TMEM94: variants seen among roughly 807,000 people sequenced by gnomAD.
TMEM94 encodes transmembrane protein 94.
In TMEM94, 81 loss-of-function variants were observed where a neutral mutation model predicts 158.6. That is an observed-to-expected ratio of 0.51 (90% CI 0.43 to 0.61). The LOEUF (loss-of-function observed/expected upper bound fraction) is 0.61. TMEM94 is among the 20% of genes least tolerant of loss of function. The pLI, the probability that TMEM94 is intolerant of heterozygous loss-of-function variation, is 0.00. For missense variants in TMEM94, 1,435 were observed against 1,762.0 expected (o/e 0.81, Z 3.32); for synonymous variants, 751 against 730.7 (o/e 1.03, Z -0.45).
rs373460654 is a variant in TMEM94 at position 75,467,593 on chromosome 17, C to T, written c.-106-4207C>T. 2.9e-4 allele frequency among the ~76,000 whole-genome samples: 40 copies of T among 138,784 alleles called. No homozygotes were observed. The East Asian group carries it at 5.5e-3, about 19-fold the overall frequency. The allele number at this position is 138,784 out of a possible 152,430, so 91.0% of individuals were successfully genotyped here. A position where few individuals can be genotyped will look rare whatever the true frequency, so the allele number is the denominator to read the frequency against. ...CAGGCCGGACTGCGGACTGCAGTGGCGCAATCTCGGCTCACTGCAAGCTCC... is the reference window on the plus strand; with the variant it reads ...CAGGCCGGACTGCGGACTGCAGTGGTGCAATCTCGGCTCACTGCAAGCTCC... On this transcript the variant is annotated intron_variant, in intron 1 of 31. Transcript: ENST00000314256.
intron 1 of TMEM94, among the ~76,000 whole-genome samples, chr17:75,470,029 T>C (rs1598324909): frequency 6.6e-6 from 1 of 151,980 alleles, no homozygotes. Flanking sequence ...GCCGAGATCA[T>C]GCCATTGTGC....
Position 75,487,725 on chromosome 17 carries a change from A to G in TMEM94, c.410-207A>G, listed in dbSNP as rs911744049. ...AGAGCTCCAGGTGTTGAGAGGAGGT[A>G]GAGGCTCTGGGGCTGGAGTGGCCGG... On this transcript the variant is annotated intron_variant, in intron 5 of 31. Transcript: ENST00000314256. The surrounding 1 kb of genome is among the most constrained non-coding windows in gnomAD (Gnocchi z 4.6). Among the ~76,000 whole-genome samples, 3 of 152,188 alleles carry G rather than the reference A, an allele frequency of 2.0e-5. No individual in the cohort carries two copies. The highest frequency in any genetic ancestry group is 6.6e-5 in the Admixed American group (1 of 15,264).
intron 25 of TMEM94, 58 bp downstream of exon 25, chr17:75,496,865 C>T: frequency 6.5e-7 from 1 of 1,542,298 alleles, no homozygotes; most frequent in Non-Finnish European, 8.9e-7. Flanking sequence ...CACTCAGGGG[C>T]CAGCTGAAAA....
Position 75,498,686 on chromosome 17 carries a change from T to C in TMEM94, c.3791T>C (p.Leu1264Ser), listed in dbSNP as rs1240325837. ...RTKPLWRKSPLTNLWWAVTVP... is the reference protein window; with the variant it reads ...RTKPLWRKSPSTNLWWAVTVP... ...AAGCCCCTGTGGAGAAAGAGCCCCT[T>C]GACCAACCTCTGGTGGGCCGTGACA... The change falls in exon 30 of 32, where the codon TTG (leucine) becomes TCG (serine). Residue 1264 changes from leucine (L) to serine (S), a missense_variant. By Grantham distance (145) the Leu-to-Ser change is moderately radical. This residue lies in a region of TMEM94 where 335 missense variants were observed against 409.1 expected (regional missense o/e 0.82). Transcript: ENST00000314256. The surrounding 1 kb of genome is among the most constrained non-coding windows in gnomAD (Gnocchi z 6.7). 6.3e-7 allele frequency: 1 copy of C among 1,587,604 alleles called. No homozygotes were observed. Among genetic ancestry groups the C allele is most frequent in the Non-Finnish European group, 8.6e-7 (1 of 1,165,972 alleles).
intron 2 of TMEM94, among the ~76,000 whole-genome samples, chr17:75,477,787 G>C (rs1032896940): frequency 2.6e-5 from 4 of 151,366 alleles, no homozygotes; most frequent in African/African-American, 9.7e-5. Flanking sequence ...GAGGCGAGCA[G>C]ATCACGAGGT....
chr17:75,472,732 G>C (rs2050545189), intron 2 of TMEM94, among the ~76,000 whole-genome samples: 1 of 152,214 alleles, frequency 6.6e-6, no homozygotes, highest in African/African-American at 2.4e-5. Context: ...CCTTTAGTGT[G>C]TACAAAGCCC....
At chr17:75,473,257 T>G (rs1413867709) in intron 2 of TMEM94, among the ~76,000 whole-genome samples, 1 of 152,212 alleles carries the variant, frequency 6.6e-6, no homozygotes, top group Non-Finnish European at 1.5e-5. Context: ...GCAGGTGTGC[T>G]TGGCCTCCTG....
chr17:75,478,100 C>G (rs1488487479), intron 2 of TMEM94, among the ~76,000 whole-genome samples: 7 of 125,084 alleles, frequency 5.6e-5, no homozygotes, highest in African/African-American at 2.1e-4. Context: ...ACTGCAAGCT[C>G]CGCCTCCCGG....
intron 1 of TMEM94, among the ~76,000 whole-genome samples, chr17:75,461,053 T>C (rs899600025): frequency 6.7e-6 from 1 of 149,272 alleles, no homozygotes; most frequent in Non-Finnish European, 1.5e-5. Context: ...AGAAACCTCA[T>C]ATAAGAGGAA....
intron 1 of TMEM94, among the ~76,000 whole-genome samples, chr17:75,470,386 A>C (rs1299292851): frequency 1.3e-5 from 2 of 152,094 alleles, no homozygotes; most frequent in South Asian, 2.1e-4. Context: ...AGGCCGAGGC[A>C]GGTGGATCAC....
At chr17:75,496,682 G>A in intron 24 of TMEM94, 48 bp from the exon 25 acceptor site, 3 of 1,571,138 alleles carry the variant, frequency 1.9e-6, no homozygotes, top group Non-Finnish European at 2.6e-6. Flanking sequence ...TTGGGCCTGG[G>A]AGAGGCCAGG....
At chr17:75,488,666 C>A in intron 6 of TMEM94, 93 bp from the exon 7 acceptor site, 2 of 1,476,354 alleles carry the variant, frequency 1.4e-6, no homozygotes, top group South Asian at 1.2e-5. Flanking sequence ...TGGCTCCTAA[C>A]CCCAGCGAAT....
intron 1 of TMEM94, among the ~76,000 whole-genome samples, chr17:75,468,344 T>A (rs2050379237): frequency 6.6e-6 from 1 of 151,950 alleles, no homozygotes; most frequent in African/African-American, 2.4e-5. Context: ...GGCCACAGAG[T>A]GATTTTGCCT....
chr17:75,490,113 G>C, intron 9 of TMEM94, 121 bp from the exon 10 acceptor site: 1 of 1,338,616 alleles, frequency 7.5e-7, no homozygotes, highest in Middle Eastern at 2.3e-4. Context: ...TTCCCTTCCT[G>C]CCCCTGAGAG....
At chr17:75,458,695 CA>C (rs532460835) in intron 1 of TMEM94, among the ~76,000 whole-genome samples, 26,744 of 116,516 alleles carry the variant, frequency 0.23, 3,999 homozygotes, top group African/African-American at 0.47. Flanking sequence ...ACTCTGTCTC[CA>C]AAAAAAAAAA....
intron 6 of TMEM94, 112 bp from the exon 7 acceptor site, chr17:75,488,647 G>C (rs1416494985): frequency 1.7e-5 from 22 of 1,305,832 alleles, no homozygotes; most frequent in Non-Finnish European, 1.1e-6. Flanking sequence ...TGGACTCTGG[G>C]CTAACTGATG....
In TMEM94 at chr17:75,496,021, G is replaced by A; in HGVS notation, c.3000G>A (p.Leu1000=). The A allele has an allele frequency of 1.2e-6, 2 of 1,613,448 alleles. No individual in the cohort carries two copies. The highest frequency in any genetic ancestry group is 1.7e-6 in the Non-Finnish European group (2 of 1,179,958). ...AGTACGGGGAGGTGACCTGCTGCCTGGGCAGCTCTGCCAACCTGCGGAACA... is the reference window on the plus strand; with the variant it reads ...AGTACGGGGAGGTGACCTGCTGCCTAGGCAGCTCTGCCAACCTGCGGAACA... The part of the protein sequence containing the change: ...MQEYGEVTCC[L]GSSANLRNSC... Residue 1000 remains leucine, a synonymous_variant, in exon 23 of 32, where the codon CTG becomes CTA. Coordinates refer to ENST00000314256, the MANE Select transcript of TMEM94 (RefSeq NM_014738.6).
intron 26 of TMEM94, among the ~76,000 whole-genome samples, chr17:75,497,452 C>T (rs867019728): frequency 6.9e-6 from 1 of 145,130 alleles, no homozygotes; most frequent in Middle Eastern, 3.6e-3. Flanking sequence ...CTCCCGGGCT[C>T]AAGTGATTCT....
chr17:75,488,731 T>C (rs1362645449), intron 6 of TMEM94, 28 bp from the exon 7 acceptor site: 1 of 1,612,410 alleles, frequency 6.2e-7, no homozygotes, highest in African/African-American at 1.3e-5. Flanking sequence ...GACCCTCTCG[T>C]TCCCACTCTC....
Sources: allele counts gnomAD v4.1 joint callset (sites outside exome capture counted in the v4.1 genomes callset), GRCh38; gene constraint gnomAD v4.1.1; regional missense constraint gnomAD v4.1.1; non-coding constraint Gnocchi (gnomAD v3.1); transcripts MANE v1.5; gene names NCBI Gene and HGNC (gene_info 2026-07-23, HGNC 2026-07-21).